Variants in ASIC2 observed in about 807,000 individuals in gnomAD.
The protein encoded by ASIC2 is acid sensing ion channel subunit 2.
In ASIC2, 25 loss-of-function variants were observed where a neutral mutation model predicts 57.3. That is an observed-to-expected ratio of 0.44 (90% CI 0.32 to 0.61). ASIC2 has a LOEUF of 0.61. Among genes scored for constraint, ASIC2 ranks in the 20% least tolerant of loss-of-function variants. ASIC2 has a pLI of 0.06. For missense variants in ASIC2, 641 were observed against 738.1 expected (o/e 0.87, Z 1.52); for synonymous variants, 319 against 307.5 (o/e 1.04, Z -0.39).
chr17:33,629,234 C>T (rs1414984135), intron 1 of ASIC2, among the ~76,000 whole-genome samples: 1 of 147,620 alleles, frequency 6.8e-6, no homozygotes, highest in Admixed American at 6.7e-5. Context: ...TGCTCTCTGC[C>T]AGCTTTTCTT....
At chr17:33,718,035 C>T (rs1909274980) in intron 1 of ASIC2, among the ~76,000 whole-genome samples, 2 of 152,050 alleles carry the variant, frequency 1.3e-5, no homozygotes, top group Non-Finnish European at 2.9e-5. Context: ...CTACAGCTGT[C>T]CCTCAGCATG....
intron 1 of ASIC2, among the ~76,000 whole-genome samples, chr17:33,528,167 G>GGGGTGTGTGTGTGTGTGTGTGT (rs71362891): frequency 7.0e-6 from 1 of 143,406 alleles, no homozygotes; most frequent in East Asian, 2.2e-4. Context: ...GTATGTGGTA[G>GGGGTGTGTGTGTGTGTGTGTGT]GTGTGTGTGT....
At chr17:33,390,067 C>T (rs1461158886) in intron 1 of ASIC2, among the ~76,000 whole-genome samples, 1 of 152,000 alleles carries the variant, frequency 6.6e-6, no homozygotes, top group Non-Finnish European at 1.5e-5. Flanking sequence ...AATTCCAGTA[C>T]TTTGGGAGGC....
At chr17:33,119,119 A>C (rs1479532744) in intron 1 of ASIC2, among the ~76,000 whole-genome samples, 4 of 152,204 alleles carry the variant, frequency 2.6e-5, no homozygotes, top group African/African-American at 4.8e-5. Flanking sequence ...CTGTTGAAAC[A>C]TCCACTTACC....
chr17:33,554,177 G>A (rs982876642), intron 1 of ASIC2, among the ~76,000 whole-genome samples: 1 of 152,206 alleles, frequency 6.6e-6, no homozygotes, highest in Non-Finnish European at 1.5e-5. Context: ...TTTCCTATGA[G>A]TGAAATTGTT....
intron 1 of ASIC2, among the ~76,000 whole-genome samples, chr17:34,127,129 C>T (rs565100924): frequency 1.1e-3 from 164 of 152,328 alleles, no homozygotes; most frequent in African/African-American, 3.8e-3. Context: ...CAACTCAAAT[C>T]AGCTTCAGTA....
intron 1 of ASIC2, among the ~76,000 whole-genome samples, chr17:33,583,897 A>G (rs552332761): frequency 4.6e-5 from 7 of 152,138 alleles, no homozygotes; most frequent in African/African-American, 1.2e-4. Context: ...ATGAGATGTC[A>G]TCCTGGGGCT....
intron 3 of ASIC2, among the ~76,000 whole-genome samples, chr17:33,040,859 G>A (rs542395335): frequency 6.6e-6 from 1 of 152,244 alleles, no homozygotes. Flanking sequence ...AGACAGGAGT[G>A]GGGGTGCGCC....
chr17:33,082,272 C>A (rs1022598547), intron 3 of ASIC2, among the ~76,000 whole-genome samples: 35 of 152,016 alleles, frequency 2.3e-4, no homozygotes, highest in African/African-American at 8.2e-4. Context: ...ATTCCCAGGA[C>A]CACCAAGAAG....
chr17:33,138,025 C>A (rs1875581005), intron 1 of ASIC2, among the ~76,000 whole-genome samples: 1 of 152,112 alleles, frequency 6.6e-6, no homozygotes, highest in Non-Finnish European at 1.5e-5. Flanking sequence ...CTTGATGTAC[C>A]TTATGGAATA....
intron 1 of ASIC2, chr17:34,037,516 C>G (rs928620148): frequency 1.9e-5 from 23 of 1,231,982 alleles, no homozygotes; most frequent in Non-Finnish European, 2.6e-5. Context: ...GCACCTGGTA[C>G]AGGTTTCATC....
chr17:33,483,704 T>A (rs1190503665), intron 1 of ASIC2, among the ~76,000 whole-genome samples: 3 of 152,246 alleles, frequency 2.0e-5, no homozygotes, highest in Non-Finnish European at 2.9e-5. Flanking sequence ...ATGCTCTATC[T>A]TATGGCCTAT....
At chr17:33,760,604 GAT>G (rs34210908) in intron 1 of ASIC2, among the ~76,000 whole-genome samples, 51 of 148,866 alleles carry the variant, frequency 3.4e-4, no homozygotes, top group South Asian at 1.1e-3. Flanking sequence ...ATATATGCAA[GAT>G]ATATATATAT....
At chr17:33,358,293 G>A (rs529781274) in intron 1 of ASIC2, among the ~76,000 whole-genome samples, 11 of 152,272 alleles carry the variant, frequency 7.2e-5, no homozygotes, top group East Asian at 5.8e-4. Context: ...TATGGTCTGC[G>A]GAGTCTAAAA....
chr17:33,846,232 G>A (rs1032504857), intron 1 of ASIC2, among the ~76,000 whole-genome samples: 1 of 152,172 alleles, frequency 6.6e-6, no homozygotes, highest in Non-Finnish European at 1.5e-5. Context: ...GGTTCTGGGA[G>A]TCAGCTCCTC....
intron 1 of ASIC2, chr17:34,038,516 T>C: frequency 6.2e-7 from 1 of 1,611,756 alleles, no homozygotes; most frequent in Admixed American, 1.7e-5. Flanking sequence ...CTTGTAAACT[T>C]CACTGAAACC....
At chr17:34,025,595 G>GT (rs927074040) in intron 1 of ASIC2, among the ~76,000 whole-genome samples, 48 of 152,094 alleles carry the variant, frequency 3.2e-4, no homozygotes, top group Admixed American at 2.7e-3. Flanking sequence ...GAAAAATGTG[G>GT]TTTTTTTGCA....
At position 34,089,052 on chromosome 17, in the gene ASIC2, G is replaced by A. The variant is rs571431168; in HGVS notation, c.555+66926C>T. Among the ~76,000 whole-genome samples, 10 of 152,252 alleles carry A rather than the reference G, an allele frequency of 6.6e-5. No individual in the cohort carries two copies. The East Asian group carries it at 1.5e-3, about 24-fold the overall frequency. ...CAGTGCGCTGCACCCACTGACCTGCGCCCACTGTCTGGCACTCCCTAGTGA... is the reference window on the plus strand; with the variant it reads ...CAGTGCGCTGCACCCACTGACCTGCACCCACTGTCTGGCACTCCCTAGTGA... On this transcript the variant is annotated intron_variant, in intron 1 of 9. Coordinates refer to the ASIC2 transcript ENST00000359872.
intron 1 of ASIC2, among the ~76,000 whole-genome samples, chr17:33,845,000 A>AT: frequency 2.6e-5 from 4 of 152,234 alleles, no homozygotes; most frequent in Non-Finnish European, 4.4e-5. Context: ...ATGATTCAGA[A>AT]CCACATACTT....
Sources: allele counts gnomAD v4.1 joint callset (sites outside exome capture counted in the v4.1 genomes callset), GRCh38; gene constraint gnomAD v4.1.1; transcripts MANE v1.5; gene names NCBI Gene and HGNC (gene_info 2026-07-23, HGNC 2026-07-21).